DCAF10: variants seen among roughly 807,000 people sequenced by gnomAD.
DCAF10 encodes DDB1- and CUL4-associated factor 10.
In DCAF10, 19 loss-of-function variants were observed where a neutral mutation model predicts 51.9. The ratio of observed to expected loss-of-function variants is 0.37; its 90% confidence interval spans 0.26 to 0.54. The LOEUF is 0.54. Among genes scored for constraint, DCAF10 ranks in the 20% least tolerant of loss-of-function variants. The pLI, the probability that DCAF10 is intolerant of heterozygous loss-of-function variation, is 0.87. For synonymous variants in DCAF10, 291 were observed against 297.1 expected (o/e 0.98, Z 0.21); for missense variants, 510 against 730.6 (o/e 0.70, Z 3.48).
chr9:37,826,913 C>T (rs1049460143), intron 2 of DCAF10, among the ~76,000 whole-genome samples: 1 of 149,628 alleles, frequency 6.7e-6, no homozygotes, highest in Non-Finnish European at 1.5e-5. Flanking sequence ...ACAACCTCTG[C>T]CTTCCAGGTT....
At chr9:37,839,256 T>G (rs1323937323) in intron 2 of DCAF10, among the ~76,000 whole-genome samples, 1 of 151,994 alleles carries the variant, frequency 6.6e-6, no homozygotes, top group Non-Finnish European at 1.5e-5. Flanking sequence ...GAGACAGGGT[T>G]TCACCATCTC....
chr9:37,856,429 T>C (rs945856977), intron 4 of DCAF10, among the ~76,000 whole-genome samples: 2 of 152,020 alleles, frequency 1.3e-5, no homozygotes, highest in Non-Finnish European at 2.9e-5. Context: ...CTAGTTGGCC[T>C]ATTTCAACTC....
At chr9:37,814,084 A>ATATATG (rs1829439554) in intron 1 of DCAF10, among the ~76,000 whole-genome samples, 2 of 44,426 alleles carry the variant, frequency 4.5e-5, no homozygotes, top group African/African-American at 9.7e-5. Context: ...TTGTCACTAT[A>ATATATG]TATATATATA....
At chr9:37,854,230 G>A (rs1465181791) in intron 3 of DCAF10, among the ~76,000 whole-genome samples, 1 of 151,972 alleles carries the variant, frequency 6.6e-6, no homozygotes, top group Non-Finnish European at 1.5e-5. Flanking sequence ...CTCCTGAGTA[G>A]TTGGAACTAT....
At chr9:37,832,052 A>G (rs1176489565) in intron 2 of DCAF10, 1 of 152,064 alleles carries the variant, frequency 6.6e-6, no homozygotes, top group African/African-American at 2.4e-5. Flanking sequence ...TTACATTTAA[A>G]AAATTAGTAC....
intron 1 of DCAF10, among the ~76,000 whole-genome samples, chr9:37,815,370 C>T (rs923577279): frequency 3.3e-5 from 5 of 152,188 alleles, no homozygotes; most frequent in Admixed American, 2.6e-4. Context: ...ACAGTCTGGG[C>T]ATGGTGGCTC....
At chr9:37,857,094 G>T (rs953563541) in intron 4 of DCAF10, 147 bp from the exon 5 acceptor site, 2 of 511,852 alleles carry the variant, frequency 3.9e-6, no homozygotes, top group Non-Finnish European at 6.7e-6. Flanking sequence ...TCAAAGAGCT[G>T]TCTTGCCTTC....
At chr9:37,802,727 G>C (rs1201799697) in intron 1 of DCAF10, among the ~76,000 whole-genome samples, 2 of 152,166 alleles carry the variant, frequency 1.3e-5, no homozygotes, top group Non-Finnish European at 2.9e-5. Context: ...ACAGCAATTG[G>C]TTGGAGCATG....
intron 3 of DCAF10, among the ~76,000 whole-genome samples, chr9:37,847,027 G>A (rs924921436): frequency 6.6e-6 from 1 of 151,886 alleles, no homozygotes; most frequent in African/African-American, 2.4e-5. Context: ...GCCAAGGCGG[G>A]TGGATCACTT....
At position 37,860,148 on chromosome 9, in the gene DCAF10, C is replaced by T; in HGVS notation, c.1266C>T (p.Gly422=). Reference sequence around the variant, plus strand: ...CGTCCTTACAGCTGCACCCAAAAGGCTGGGCCACTCTTCTTCGGTGCTCAA... The same window carrying T: ...CGTCCTTACAGCTGCACCCAAAAGGTTGGGCCACTCTTCTTCGGTGCTCAA... ...CITSLQLHPK[G]WATLLRCSSN... The change falls in exon 6 of 7, where the codon GGC becomes GGT. Residue 422 remains glycine (G), a synonymous_variant. Transcript: ENST00000377724. 6.2e-7 allele frequency: 1 copy of T among 1,614,120 alleles called. No individual in the cohort carries two copies. Among genetic ancestry groups the T allele is most frequent in the Non-Finnish European group, 8.5e-7 (1 of 1,180,008 alleles).
In DCAF10 at chr9:37,859,182, A is replaced by G. The variant is rs115825721; in HGVS notation, c.1166-866A>G. On this transcript the variant is annotated intron_variant, in intron 5 of 6. Transcript: ENST00000377724. The stretch of plus-strand genomic sequence containing the variant: ...TTAATGATGTAGTAATCTGAAGGGA[A>G]TCTTTAGAAAGAAGGTAACACATCT... 2.6e-3 allele frequency among the ~76,000 whole-genome samples: 400 copies of G among 152,360 alleles called. 3 individuals are homozygous for G. Among genetic ancestry groups the G allele is most frequent in the African/African-American group, 9.1e-3 (377 of 41,592 alleles).
chr9:37,828,496 A>C (rs771690492), intron 2 of DCAF10, among the ~76,000 whole-genome samples: 8 of 152,200 alleles, frequency 5.3e-5, no homozygotes, highest in Admixed American at 1.3e-4. Flanking sequence ...CTGGAGGCAA[A>C]AAGTCAGCAT....
intron 2 of DCAF10, among the ~76,000 whole-genome samples, chr9:37,833,958 GTTT>G (rs1323476292): frequency 6.6e-6 from 1 of 151,864 alleles, no homozygotes; most frequent in Non-Finnish European, 1.5e-5. Context: ...CAATACCAAA[GTTT>G]TTTTTGTTTG....
chr9:37,863,578 C>T lies in DCAF10; in HGVS notation c.*2070C>T, dbSNP rs1028379539. The T allele has an allele frequency of 6.6e-6, 1 of 152,044 alleles. No individual in the cohort carries two copies. The highest frequency in any genetic ancestry group is 1.5e-5 in the Non-Finnish European group (1 of 67,994). The allele number at this position is 152,044 out of a possible 1,614,324, so 9.4% of individuals were successfully genotyped here. A position where few individuals can be genotyped will look rare whatever the true frequency, so the allele number is the denominator to read the frequency against. ...CAGTCTTCTAATTCCTTGGTCAGGGCAATTTCTACTGTGTTATGCTGTCTG... is the reference window on the plus strand; with the variant it reads ...CAGTCTTCTAATTCCTTGGTCAGGGTAATTTCTACTGTGTTATGCTGTCTG... On this transcript the variant is annotated 3_prime_UTR_variant, in exon 7 of 7. Coordinates refer to ENST00000377724, the MANE Select transcript of DCAF10 (RefSeq NM_024345.5).
chr9:37,802,698 T>TG (rs1265049396), intron 1 of DCAF10, among the ~76,000 whole-genome samples: 1 of 152,126 alleles, frequency 6.6e-6, no homozygotes, highest in Non-Finnish European at 1.5e-5. Context: ...CACGTGGTGC[T>TG]GGGGTCTCTG....
At chr9:37,828,627 C>T (rs887918841) in intron 2 of DCAF10, among the ~76,000 whole-genome samples, 3 of 152,082 alleles carry the variant, frequency 2.0e-5, no homozygotes, top group African/African-American at 7.2e-5. Flanking sequence ...AAGAGCGAGG[C>T]ATGGTGGTGC....
chr9:37,865,174 C>T lies in DCAF10; in HGVS notation c.*3666C>T, dbSNP rs1219399685. The T allele has an allele frequency of 1.3e-5, 2 of 151,430 alleles. No individual in the cohort carries two copies. Among genetic ancestry groups the T allele is most frequent in the Non-Finnish European group, 2.9e-5 (2 of 67,930 alleles). The allele number at this position is 151,430 out of a possible 1,614,324, so 9.4% of individuals were successfully genotyped here. A position where few individuals can be genotyped will look rare whatever the true frequency, so the allele number is the denominator to read the frequency against. ...CCATGAGAATATCATAAACTCAGGG[C>T]ACACATTCTGGCCATTCCTGACTAA... is the stretch of plus-strand genomic sequence containing the variant. On this transcript the variant is annotated 3_prime_UTR_variant, in exon 7 of 7. Coordinates refer to ENST00000377724, the MANE Select transcript of DCAF10 (RefSeq NM_024345.5).
In DCAF10 at chr9:37,801,278, G is replaced by A; in HGVS notation, c.412G>A (p.Val138Met). 1 of 1,595,702 alleles carries A rather than the reference G, an allele frequency of 6.3e-7. No homozygotes were observed. The change falls in exon 1 of 7, where the codon GTG becomes ATG. Residue 138 changes from valine to methionine, a missense_variant. Val to Met is a conservative substitution (Grantham distance 21). Around this residue, in one of 4 missense-constraint regions of DCAF10, gnomAD observed 251 missense variants for 227.9 expected, o/e 1.10. Coordinates refer to ENST00000377724, the MANE Select transcript of DCAF10 (RefSeq NM_024345.5). This position sits in a 1 kb window ranked among gnomAD's most constrained non-coding sequence, Gnocchi z 5.5. ...KERSLGRGLFVDPARDNFRTM... is the reference protein window; with the variant it reads ...KERSLGRGLFMDPARDNFRTM... ...GCGCAGCCTGGGCCGCGGGCTGTTC[G>A]TGGACCCGGCGCGGGACAATTTTCG...
Position 37,800,806 on chromosome 9 carries a change from G to C in DCAF10, c.-61G>C. The stretch of plus-strand genomic sequence containing the variant: ...GCACGCCGGAAGTGGCAGCTGAACA[G>C]GGGCACTGAGGTGTCGGCCGGCGGG... On this transcript the variant is annotated 5_prime_UTR_variant, in exon 1 of 7. Coordinates refer to ENST00000377724, the MANE Select transcript of DCAF10 (RefSeq NM_024345.5). The C allele has an allele frequency of 5.3e-6, 8 of 1,498,366 alleles. No homozygotes were observed. Among genetic ancestry groups the C allele is most frequent in the Non-Finnish European group, 7.1e-6 (8 of 1,129,370 alleles). The allele number at this position is 1,498,366 out of a possible 1,614,324, so 92.8% of individuals were successfully genotyped here.
Sources: allele counts gnomAD v4.1 joint callset (sites outside exome capture counted in the v4.1 genomes callset), GRCh38; gene constraint gnomAD v4.1.1; regional missense constraint gnomAD v4.1.1; non-coding constraint Gnocchi (gnomAD v3.1); transcripts MANE v1.5; gene names NCBI Gene and HGNC (gene_info 2026-07-23, HGNC 2026-07-21).